The following PTGER3 variants were observed in gnomAD, a reference collection of about 807,000 sequenced individuals.
PTGER3 encodes the protein prostaglandin E2 receptor EP3 subtype.
A neutral mutation model predicts 34.7 loss-of-function variants in PTGER3; 22 were observed. The ratio of observed to expected loss-of-function variants is 0.63; its 90% CI spans 0.45 to 0.91. The LOEUF is 0.91. Ranked by LOEUF, PTGER3 falls within the 40% of genes least tolerant of loss-of-function variation. PTGER3 has a pLI of 0.00. For synonymous variants in PTGER3, 241 were observed against 230.1 expected, an observed-to-expected ratio of 1.05 and a Z score of -0.43; for missense variants, 468 against 519.4, an observed-to-expected ratio of 0.90 and a Z score of 0.96.
At chr1:70,950,513 C>G (rs1335291698), downstream of PTGER3, among the ~76,000 whole-genome samples, 1 of 152,080 alleles carries the variant, frequency 6.6e-6, no homozygotes, top group African/African-American at 2.4e-5. Flanking sequence ...AAGGAGCAAG[C>G]GTATTGGCAA....
Position 71,029,882 on chromosome 1 carries a change from C to T in PTGER3, c.897+16799G>A, listed in dbSNP as rs148765594. Among the ~76,000 whole-genome samples, 1,068 of 151,498 alleles carry T rather than the reference C, an allele frequency of 7.0e-3. 17 individuals carry two copies. The highest frequency in any genetic ancestry group is 0.025 in the African/African-American group (1,028 of 41,282). On this transcript the variant is annotated intron_variant, in intron 1 of 3. Coordinates refer to ENST00000306666, the MANE Select transcript of PTGER3 (RefSeq NM_198719.2). ...TGGAGGTTGCACTGAGCCGAGATCA[C>T]GCTACTGCACTCCAGCCTGGGTGAC...
intron 2 of PTGER3, chr1:71,006,194 G>A: frequency 1.0e-6 from 1 of 985,294 alleles, no homozygotes; most frequent in Non-Finnish European, 1.2e-6. Flanking sequence ...CAAGATTGTA[G>A]AGACAATAAG....
rs574892228 is a variant in PTGER3 at position 71,021,662 on chromosome 1, C to T, written c.898-9178G>A. ...CTCCCAAAATATAGTTTCATTTAAA[C>T]CCCAAATGTTCAATTTTACTCTCAT... On this transcript the variant is annotated intron_variant, in intron 1 of 3. Transcript: ENST00000306666. Among the ~76,000 whole-genome samples the T allele has an allele frequency of 2.0e-5, 3 of 151,834 alleles. No homozygotes were observed. In the East Asian group the frequency reaches 5.8e-4, roughly 29 times the overall value.
chr1:70,983,399 A>T (rs1206821723), intron 2 of PTGER3, among the ~76,000 whole-genome samples: 4 of 152,166 alleles, frequency 2.6e-5, no homozygotes, highest in African/African-American at 9.7e-5. Context: ...GGCAGGGTTC[A>T]AATCTACCTT....
chr1:70,939,846 G>T (rs1649591830), intron 4 of PTGER3, among the ~76,000 whole-genome samples: 1 of 152,206 alleles, frequency 6.6e-6, no homozygotes, highest in Non-Finnish European at 1.5e-5. Flanking sequence ...CTGCCATGAA[G>T]ATCTCTCACA....
At chr1:70,886,088 C>G (rs1056488092) in intron 4 of PTGER3, among the ~76,000 whole-genome samples, 1 of 152,162 alleles carries the variant, frequency 6.6e-6, no homozygotes, top group African/African-American at 2.4e-5. Context: ...AAACCCTAAT[C>G]CCCAGTGTGC....
At chr1:70,962,703 A>T (rs1415283174) in intron 2 of PTGER3, among the ~76,000 whole-genome samples, 1 of 152,086 alleles carries the variant, frequency 6.6e-6, no homozygotes, top group Non-Finnish European at 1.5e-5. Flanking sequence ...TGATTCAATT[A>T]CCTCCCCTCA....
intron 1 of PTGER3, among the ~76,000 whole-genome samples, chr1:71,032,968 ATGACATTCTAT>A (rs1659534987): frequency 6.6e-6 from 1 of 152,206 alleles, no homozygotes; most frequent in Admixed American, 6.5e-5. Context: ...CACGAATCTT[ATGACATTCTAT>A]TATTTTATAA....
chr1:70,964,146 A>G (rs986933088), intron 2 of PTGER3, among the ~76,000 whole-genome samples: 10 of 152,154 alleles, frequency 6.6e-5, no homozygotes, highest in African/African-American at 2.4e-4. Flanking sequence ...AAGCCATTCA[A>G]CAAGTCTCTA....
At chr1:70,872,178 T>C (rs1646177059) in intron 4 of PTGER3, among the ~76,000 whole-genome samples, 1 of 152,206 alleles carries the variant, frequency 6.6e-6, no homozygotes, top group Non-Finnish European at 1.5e-5. Context: ...GACACGTTGA[T>C]CTGAATGGGC....
Position 71,047,678 on chromosome 1 carries a change from G to A in PTGER3, c.-101C>T. On this transcript the variant is annotated 5_prime_UTR_variant, in exon 1 of 4. Coordinates refer to ENST00000306666, the MANE Select transcript of PTGER3 (RefSeq NM_198719.2). ...CGGAGGTCGGCGTTTACCGCGGCTGGGGCTGGGCTGCCCCCCATGGTGCGG... is the reference window on the plus strand; with the variant it reads ...CGGAGGTCGGCGTTTACCGCGGCTGAGGCTGGGCTGCCCCCCATGGTGCGG... The A allele has an allele frequency of 7.4e-7, 1 of 1,355,364 alleles. No homozygotes were observed. The highest frequency in any genetic ancestry group is 9.8e-7 in the Non-Finnish European group (1 of 1,018,848). The allele number at this position is 1,355,364 out of a possible 1,614,324, so 84.0% of individuals were successfully genotyped here.
Position 70,885,201 on chromosome 1 carries a change from C to T in PTGER3, c.*24-32342G>A, listed in dbSNP as rs1214166579. 2.6e-5 allele frequency among the ~76,000 whole-genome samples: 4 copies of T among 152,034 alleles called. No homozygotes were observed. In the East Asian group the frequency reaches 7.7e-4, roughly 29 times the overall value. On this transcript the variant is annotated intron_variant, in intron 4 of 4. Transcript: ENST00000370931. The stretch of plus-strand genomic sequence containing the variant: ...TCATTCTGAGAGCATTCTAAAGCTT[C>T]TCTGAGTTGGACTTCTGAGGTTCTC...
At chr1:70,873,213 G>A (rs929025533) in intron 4 of PTGER3, among the ~76,000 whole-genome samples, 5 of 152,120 alleles carry the variant, frequency 3.3e-5, no homozygotes, top group Admixed American at 2.0e-4. Context: ...GAATAAATAA[G>A]CTAATATTCC....
At chr1:70,981,458 G>C (rs779494459) in intron 2 of PTGER3, among the ~76,000 whole-genome samples, 2 of 149,078 alleles carry the variant, frequency 1.3e-5, no homozygotes, top group Admixed American at 6.8e-5. Context: ...CTGTCACCTA[G>C]GCTGGAGCGC....
intron 4 of PTGER3, among the ~76,000 whole-genome samples, chr1:70,927,446 A>C (rs367984551): frequency 2.6e-5 from 4 of 152,208 alleles, no homozygotes; most frequent in African/African-American, 9.6e-5. Flanking sequence ...TAGAGAAGAC[A>C]GTAAAAAAGA....
At chr1:70,877,070 A>G (rs1182790567) in intron 4 of PTGER3, among the ~76,000 whole-genome samples, 1 of 151,988 alleles carries the variant, frequency 6.6e-6, no homozygotes, top group Non-Finnish European at 1.5e-5. Context: ...AACAATATTG[A>G]TTCTCCCTAT....
intron 3 of PTGER3, among the ~76,000 whole-genome samples, chr1:70,973,926 A>T (rs1653407158): frequency 6.6e-6 from 1 of 152,170 alleles, no homozygotes; most frequent in Non-Finnish European, 1.5e-5. Flanking sequence ...TGTGCTAGCC[A>T]TATGAGCCAT....
intron 4 of PTGER3, among the ~76,000 whole-genome samples, chr1:70,907,197 C>T (rs557528714): frequency 6.6e-6 from 1 of 152,300 alleles, no homozygotes; most frequent in African/African-American, 2.4e-5. Flanking sequence ...TGGAAAATCA[C>T]CTCTACATTG....
intron 2 of PTGER3, chr1:71,007,412 T>C: frequency 1.0e-6 from 1 of 985,672 alleles, no homozygotes; most frequent in Non-Finnish European, 1.2e-6. Flanking sequence ...CAGTCAATAA[T>C]GGCCTGAGTG....
Sources: allele counts gnomAD v4.1 joint callset (sites outside exome capture counted in the v4.1 genomes callset), GRCh38; gene constraint gnomAD v4.1.1; transcripts MANE v1.5; gene names NCBI Gene and HGNC (gene_info 2026-07-23, HGNC 2026-07-21).